Variants in PLOD2 observed in about 807,000 individuals in gnomAD.
The protein encoded by PLOD2 is procollagen-lysine,2-oxoglutarate 5-dioxygenase 2.
Under a neutral mutation model 101.0 loss-of-function variants are expected in PLOD2, and 65 were observed. The observed-to-expected ratio is 0.64, with a 90% CI of 0.53 to 0.79. PLOD2 has a LOEUF of 0.79. Ranked by LOEUF, PLOD2 falls within the 30% of genes least tolerant of loss-of-function variation. The pLI is 0.00. For synonymous variants in PLOD2, 314 were observed against 302.9 expected (o/e 1.04, Z -0.38); for missense variants, 909 against 914.6 (o/e 0.99, Z 0.08).
chr3:146,078,555 T>C (rs541198073), intron 13 of PLOD2, among the ~76,000 whole-genome samples: 1 of 152,020 alleles, frequency 6.6e-6, no homozygotes, highest in East Asian at 1.9e-4. Flanking sequence ...TAAAAGTACA[T>C]TTGTAGTGCA....
In PLOD2 at chr3:146,091,934, G is replaced by A. The variant is rs773312675; in HGVS notation, c.778-33C>T. The stretch of plus-strand genomic sequence containing the variant: ...ATGAAGGAAAAGGTTATTAATGAAA[G>A]CAGGCCTCTCATCGGTGTGGTTTCA... On this transcript the variant is annotated intron_variant, in intron 7 of 19. Coordinates refer to ENST00000282903, the MANE Select transcript of PLOD2 (RefSeq NM_182943.3). 77 of 1,108,392 alleles carry A rather than the reference G, an allele frequency of 6.9e-5. 1 individual carries two copies. The highest frequency in any genetic ancestry group is 1.0e-4 in the Non-Finnish European group (72 of 719,914). 68.7% of individuals were successfully genotyped at this position (1,108,392 alleles called of 1,614,324 possible).
intron 9 of PLOD2, 88 bp from the exon 10 acceptor site, chr3:146,086,996 G>T: frequency 1.4e-6 from 1 of 690,092 alleles, no homozygotes; most frequent in Middle Eastern, 3.8e-4. Context: ...CACATTCAAG[G>T]TCATGAATTC....
chr3:146,151,492 C>T (rs906821199), intron 1 of PLOD2, among the ~76,000 whole-genome samples: 3 of 150,580 alleles, frequency 2.0e-5, no homozygotes, highest in Non-Finnish European at 3.0e-5. Flanking sequence ...AACGAAACTC[C>T]GTTTCAAAAA....
rs561968064 is a variant in PLOD2, at chr3:146,106,651, C to A, written c.503-7G>T. On this transcript the variant is annotated splice_polypyrimidine_tract_variant and splice_region_variant and intron_variant, in intron 4 of 19. Coordinates refer to ENST00000282903, the MANE Select transcript of PLOD2 (RefSeq NM_182943.3). ...GGAGCATAGCCAATAAATCCTGCAA[C>A]ACAGCAGAGAGAAAGTAGATAATTT... 1.6e-5 allele frequency: 21 copies of A among 1,330,026 alleles called. No individual in the cohort carries two copies. In the South Asian group the frequency reaches 2.5e-4, roughly 16 times the overall value. 82.4% of individuals were successfully genotyped at this position (1,330,026 alleles called of 1,614,324 possible).
rs7617913 is a variant in PLOD2 at position 146,073,501 on chromosome 3, C to T, written c.1678-149G>A. The T allele has an allele frequency of 0.51, 186,821 of 369,194 alleles. 47,113 individuals carry two copies. Among genetic ancestry groups the T allele is most frequent in the African/African-American group, 0.55 (26,397 of 47,660 alleles). 22.9% of individuals were successfully genotyped at this position (369,194 alleles called of 1,614,324 possible). A position where few individuals can be genotyped will look rare whatever the true frequency, so the allele number is the denominator to read the frequency against. Reference sequence around the variant, plus strand: ...ATTTTCAGAAATCACAGTATATAGCCTAATCTTTGCCTGGTTCTGAATATG... The same window carrying T: ...ATTTTCAGAAATCACAGTATATAGCTTAATCTTTGCCTGGTTCTGAATATG... On this transcript the variant is annotated intron_variant, in intron 15 of 19. Coordinates refer to ENST00000282903, the MANE Select transcript of PLOD2 (RefSeq NM_182943.3).
intron 12 of PLOD2, 86 bp downstream of exon 12, chr3:146,081,652 T>C (rs112331952): frequency 8.5e-7 from 1 of 1,170,198 alleles, no homozygotes; most frequent in South Asian, 1.3e-5. Flanking sequence ...AAGAGATGAA[T>C]GCAAAAAAAA....
rs543185136 is a variant in PLOD2 at position 146,161,067 on chromosome 3, C to A, written c.-78G>T. The A allele has an allele frequency of 9.4e-7, 1 of 1,062,874 alleles. No homozygotes were observed. The highest frequency in any genetic ancestry group is 1.6e-5 in the African/African-American group (1 of 61,668). The allele number at this position is 1,062,874 out of a possible 1,614,324, so 65.8% of individuals were successfully genotyped here. A position where few individuals can be genotyped will look rare whatever the true frequency, so the allele number is the denominator to read the frequency against. On this transcript the variant is annotated 5_prime_UTR_variant, in exon 1 of 20. Transcript: ENST00000282903. ...GCGCTTCTCGCGAGAACGCAGAGAC[C>A]CGGGTCCGCCCTGAGCCGCCGATTG...
chr3:146,097,749 G>A (rs1937252598), intron 7 of PLOD2, among the ~76,000 whole-genome samples: 1 of 130,598 alleles, frequency 7.7e-6, no homozygotes, highest in Admixed American at 8.1e-5. Flanking sequence ...ATTGTCCTAT[G>A]ACCCTGCCAA....
chr3:146,121,065 AAAGT>A (rs1159502071), intron 3 of PLOD2, 43 bp downstream of exon 3: 1 of 1,385,724 alleles, frequency 7.2e-7, no homozygotes, highest in Non-Finnish European at 1.0e-6. Flanking sequence ...AGCTCTTTAA[AAAGT>A]AATTGAATAT....
At chr3:146,113,441 G>A (rs1020069621) in intron 3 of PLOD2, among the ~76,000 whole-genome samples, 27 of 152,210 alleles carry the variant, frequency 1.8e-4, no homozygotes, top group African/African-American at 6.5e-4. Flanking sequence ...CGGGAAGTCA[G>A]GGACCCCAAA....
chr3:146,144,457 T>A (rs960576062), intron 1 of PLOD2, among the ~76,000 whole-genome samples: 1 of 151,586 alleles, frequency 6.6e-6, no homozygotes, highest in East Asian at 1.9e-4. Context: ...TAAAACCTTC[T>A]GGAAATCAAC....
chr3:146,141,075 T>C (rs1268974743), intron 1 of PLOD2, among the ~76,000 whole-genome samples: 2 of 152,110 alleles, frequency 1.3e-5, no homozygotes, highest in Admixed American at 6.6e-5. Context: ...GTACATAAAC[T>C]AGATAAATAA....
At chr3:146,152,968 A>C (rs932017810) in intron 1 of PLOD2, among the ~76,000 whole-genome samples, 2 of 152,192 alleles carry the variant, frequency 1.3e-5, no homozygotes, top group African/African-American at 4.8e-5. Flanking sequence ...TAAGAAGAAA[A>C]GGAGGATTGT....
At position 146,102,282 on chromosome 3, in the gene PLOD2, A is replaced by G. The variant is rs546952898; in HGVS notation, c.777+473T>C. ...CACATTTGAAACAGAAAGGCATCCA[A>G]AATTTTATTGGTCAAATTATGTCAC... On this transcript the variant is annotated intron_variant, in intron 7 of 19. Transcript: ENST00000282903. Among the ~76,000 whole-genome samples the G allele has an allele frequency of 2.6e-5, 4 of 152,320 alleles. No homozygotes were observed. The East Asian group carries it at 7.7e-4, about 29-fold the overall frequency.
chr3:146,136,238 G>A (rs76098051), intron 1 of PLOD2, among the ~76,000 whole-genome samples: 2,133 of 151,848 alleles, frequency 0.014, 54 homozygotes, highest in African/African-American at 0.048. Context: ...CTGATATCTT[G>A]TCATATGCAT....
intron 1 of PLOD2, among the ~76,000 whole-genome samples, chr3:146,153,765 A>T (rs1451775435): frequency 2.0e-5 from 3 of 152,000 alleles, no homozygotes; most frequent in Non-Finnish European, 4.4e-5. Context: ...TGTCAAGAAC[A>T]ATAAAAATTA....
intron 1 of PLOD2, among the ~76,000 whole-genome samples, chr3:146,151,106 T>C (rs1406399286): frequency 6.6e-6 from 1 of 152,220 alleles, no homozygotes; most frequent in Non-Finnish European, 1.5e-5. Context: ...CTTATATCTA[T>C]GCCTTCTTTG....
In PLOD2 at chr3:146,071,329, C is replaced by T. The variant is rs748652746; in HGVS notation, c.1943G>A (p.Arg648Gln). 9.9e-5 allele frequency: 160 copies of T among 1,612,032 alleles called. 1 individual carries two copies. The highest frequency in any genetic ancestry group is 6.0e-4 in the South Asian group (55 of 91,062). Residue 648 changes from arginine to glutamine, a missense_variant, in exon 18 of 20, where the codon CGG (arginine) becomes CAG (glutamine). Arg to Gln is a conservative substitution (Grantham distance 43). Coordinates refer to ENST00000282903, the MANE Select transcript of PLOD2 (RefSeq NM_182943.3). ...CAGTGTAACTGGTGCAATGAACTCC[C>T]GGATAAAATGAAGCCATACATTCTC... The part of the protein sequence containing the change: ...DLENVWLHFI[R>Q]EFIAPVTLKV...
intron 4 of PLOD2, among the ~76,000 whole-genome samples, chr3:146,108,776 C>T (rs960088570): frequency 1.1e-4 from 17 of 152,116 alleles, no homozygotes; most frequent in African/African-American, 3.9e-4. Context: ...AACCTAACCA[C>T]CTGAGTACAT....
Sources: allele counts gnomAD v4.1 joint callset (sites outside exome capture counted in the v4.1 genomes callset), GRCh38; gene constraint gnomAD v4.1.1; transcripts MANE v1.5; gene names NCBI Gene and HGNC (gene_info 2026-07-23, HGNC 2026-07-21).